The following SDK1 variants were observed in gnomAD, a reference collection of about 807,000 sequenced individuals.
SDK1 encodes sidekick cell adhesion molecule 1.
Under a neutral mutation model 245.5 loss-of-function variants are expected in SDK1, and 157 were observed. The ratio of observed to expected loss-of-function variants is 0.64; its 90% CI spans 0.56 to 0.73. The LOEUF (loss-of-function observed/expected upper bound fraction) is 0.73. Ranked by LOEUF, SDK1 falls within the 30% of genes least tolerant of loss-of-function variation. SDK1 has a pLI of 0.00. For synonymous variants in SDK1, 1,647 were observed against 1,278.5 expected (o/e 1.29, Z -6.15); for missense variants, 3,583 against 3,002.3 (o/e 1.19, Z -4.52).
intron 5 of SDK1, among the ~76,000 whole-genome samples, chr7:3,831,560 C>T (rs2115074391): frequency 6.6e-6 from 1 of 152,174 alleles, no homozygotes; most frequent in South Asian, 2.1e-4. Context: ...AGAGTGGTAC[C>T]AACCTCTTCA....
At chr7:3,344,148 A>C (rs1178500166) in intron 1 of SDK1, among the ~76,000 whole-genome samples, 4 of 152,212 alleles carry the variant, frequency 2.6e-5, no homozygotes, top group Admixed American at 2.6e-4. Flanking sequence ...CAGGGGAAAA[A>C]ATCTACAGAA....
intron 34 of SDK1, among the ~76,000 whole-genome samples, 189 bp downstream of exon 34, chr7:4,176,023 G>C (rs1011247969): frequency 6.6e-6 from 1 of 152,208 alleles, no homozygotes; most frequent in Non-Finnish European, 1.5e-5. Flanking sequence ...TAGAAACAGA[G>C]GCTGGGGAAA....
At chr7:4,159,842 A>G (rs2128211862) in intron 31 of SDK1, among the ~76,000 whole-genome samples, 1 of 152,386 alleles carries the variant, frequency 6.6e-6, no homozygotes, top group South Asian at 2.1e-4. Flanking sequence ...TTTCTAGATT[A>G]CTCATGAGAG....
At position 3,370,957 on chromosome 7, in the gene SDK1, C is replaced by T. The variant is rs143905648; in HGVS notation, c.298+69073C>T. 1.6e-4 allele frequency among the ~76,000 whole-genome samples: 24 copies of T among 152,198 alleles called. No homozygotes were observed. The East Asian group carries it at 1.9e-3, about 12-fold the overall frequency. On this transcript the variant is annotated intron_variant, in intron 1 of 44. Coordinates refer to ENST00000404826, the MANE Select transcript of SDK1 (RefSeq NM_152744.4). ...AACCCAAACTCCCAACATGCAGCCC[C>T]GCAGCAGGAGGCAGAGGGAGGTGCT...
At chr7:3,363,094 A>G (rs999821830) in intron 1 of SDK1, among the ~76,000 whole-genome samples, 1 of 152,218 alleles carries the variant, frequency 6.6e-6, no homozygotes, top group Non-Finnish European at 1.5e-5. Flanking sequence ...CATCACCACA[A>G]GGATCTCTCA....
intron 1 of SDK1, among the ~76,000 whole-genome samples, chr7:3,539,364 C>A (rs541142525): frequency 4.0e-4 from 61 of 152,254 alleles, no homozygotes; most frequent in Non-Finnish European, 7.9e-4. Flanking sequence ...ATAGACAGAG[C>A]TTAAAACAAT....
chr7:4,161,045 C>T (rs1053474744), intron 31 of SDK1, among the ~76,000 whole-genome samples: 6 of 152,174 alleles, frequency 3.9e-5, no homozygotes, highest in South Asian at 2.1e-4. Context: ...GCTGGGCCCC[C>T]GGGATCTTAC....
intron 4 of SDK1, among the ~76,000 whole-genome samples, chr7:3,656,203 C>G (rs1483581200): frequency 2.0e-5 from 3 of 152,176 alleles, no homozygotes; most frequent in South Asian, 2.1e-4. Context: ...CCATCCTTCC[C>G]TTCTCCTTTA....
intron 1 of SDK1, among the ~76,000 whole-genome samples, chr7:3,487,343 A>G (rs1781731402): frequency 6.6e-6 from 1 of 152,132 alleles, no homozygotes; most frequent in African/African-American, 2.4e-5. Flanking sequence ...ACTATGGAAA[A>G]TCCTTATTTT....
intron 13 of SDK1, among the ~76,000 whole-genome samples, chr7:3,984,055 C>G (rs751765276): frequency 6.6e-6 from 1 of 152,202 alleles, no homozygotes. Context: ...TTACATCCCT[C>G]AATCTCAGGC....
intron 17 of SDK1, among the ~76,000 whole-genome samples, chr7:4,043,095 G>C (rs1255607552): frequency 1.1e-5 from 1 of 92,238 alleles, no homozygotes; most frequent in Non-Finnish European, 2.0e-5. Context: ...AGGGAGCCCA[G>C]GTAGAGTGAG....
Position 3,454,532 on chromosome 7 carries a change from T to C in SDK1, c.298+152648T>C. ...TGCAAGAGTCCCTTGGGTTGTCCTT[T>C]CATAACTATCCCTTCCCAATCTCTG... On this transcript the variant is annotated intron_variant, in intron 1 of 44. Transcript: ENST00000404826. 1.3e-5 allele frequency among the ~76,000 whole-genome samples: 2 copies of C among 152,084 alleles called. 1 individual carries two copies. The highest frequency in any genetic ancestry group is 3.8e-4 in the East Asian group (2 of 5,196).
chr7:3,512,451 A>C (rs1285883141), intron 1 of SDK1, among the ~76,000 whole-genome samples: 2 of 152,232 alleles, frequency 1.3e-5, no homozygotes, highest in African/African-American at 4.8e-5. Context: ...TGTATGTGGA[A>C]ATAAGTTTTC....
At chr7:3,990,015 A>C (rs1186249588) in intron 14 of SDK1, among the ~76,000 whole-genome samples, 1 of 152,238 alleles carries the variant, frequency 6.6e-6, no homozygotes, top group Non-Finnish European at 1.5e-5. Flanking sequence ...GCATCCGCAG[A>C]GGAGCCTTCG....
intron 27 of SDK1, chr7:4,130,354 A>AGAGGCAGCAGAGGCTGGGGT (rs1554352776): frequency 6.2e-6 from 3 of 484,530 alleles, no homozygotes; most frequent in African/African-American, 6.0e-5. Context: ...AGTGCTGGGG[A>AGAGGCAGCAGAGGCTGGGGT]GAGGCAGCAG....
At chr7:3,617,639 C>T (rs1240977970) in intron 1 of SDK1, among the ~76,000 whole-genome samples, 1 of 152,206 alleles carries the variant, frequency 6.6e-6, no homozygotes, top group Non-Finnish European at 1.5e-5. Flanking sequence ...TGTGCTATAT[C>T]ATCCTGTCAT....
At chr7:3,712,079 C>G (rs556733947) in intron 4 of SDK1, among the ~76,000 whole-genome samples, 1 of 152,118 alleles carries the variant, frequency 6.6e-6, no homozygotes, top group Non-Finnish European at 1.5e-5. Flanking sequence ...AGCAGAGGTC[C>G]GCAACCCTTG....
intron 1 of SDK1, among the ~76,000 whole-genome samples, chr7:3,404,309 C>G (rs1458609924): frequency 6.6e-6 from 1 of 152,150 alleles, no homozygotes; most frequent in Non-Finnish European, 1.5e-5. Flanking sequence ...ATTTAAATAA[C>G]TTATATTAAT....
At chr7:3,321,794 TTC>T (rs1779817472) in intron 1 of SDK1, among the ~76,000 whole-genome samples, 1 of 95,964 alleles carries the variant, frequency 1.0e-5, no homozygotes, top group Non-Finnish European at 2.0e-5. Flanking sequence ...CCTTCCTTCC[TTC>T]CTTCCTTCCT....
Sources: allele counts gnomAD v4.1 joint callset (sites outside exome capture counted in the v4.1 genomes callset), GRCh38; gene constraint gnomAD v4.1.1; transcripts MANE v1.5; gene names NCBI Gene and HGNC (gene_info 2026-07-23, HGNC 2026-07-21).